Variants in DNAJC5B observed in about 807,000 individuals in gnomAD.
DNAJC5B encodes the protein DnaJ heat shock protein family (Hsp40) member C5 beta.
A neutral mutation model predicts 24.7 loss-of-function variants in DNAJC5B; 23 were observed. The observed-to-expected ratio is 0.93, with a 90% CI of 0.67 to 1.32. The LOEUF (loss-of-function observed/expected upper bound fraction) is 1.32, where lower values mean the gene tolerates loss of function less well. Among genes scored for constraint, DNAJC5B ranks in the 40% most tolerant of loss-of-function variants. The pLI is 0.00. For synonymous variants in DNAJC5B, 101 were observed against 90.1 expected (o/e 1.12, Z -0.68); for missense variants, 238 against 240.8 (o/e 0.99, Z 0.08).
chr8:66,017,755 T>C (rs1306163460), upstream of DNAJC5B, among the ~76,000 whole-genome samples: 1 of 152,212 alleles, frequency 6.6e-6, no homozygotes, highest in African/African-American at 2.4e-5. Flanking sequence ...CAGACATCAA[T>C]TGTGTTCATT....
At chr8:66,050,247 C>G (rs555648590) in intron 2 of DNAJC5B, among the ~76,000 whole-genome samples, 1 of 152,170 alleles carries the variant, frequency 6.6e-6, no homozygotes, top group African/African-American at 2.4e-5. Context: ...AGTATAATAG[C>G]ACTTAGGAGT....
At chr8:66,095,658 GACACACACACACACACACAC>G (rs10566337) in intron 5 of DNAJC5B, among the ~76,000 whole-genome samples, 1 of 146,638 alleles carries the variant, frequency 6.8e-6, no homozygotes, top group African/African-American at 2.5e-5. Flanking sequence ...ACTTTAGCTT[GACACACACACACACACACAC>G]ACACACACAC....
Position 66,033,222 on chromosome 8 carries a change from C to T in DNAJC5B, c.-141-10266C>T, listed in dbSNP as rs1477270921. On this transcript the variant is annotated intron_variant, in intron 1 of 5. Coordinates refer to ENST00000276570, the MANE Select transcript of DNAJC5B (RefSeq NM_033105.6). ...GCTGGCCTGGGGCCACACAGGAGGT[C>T]GGCACCTGTTTTGCATATTTGCCTC... Among the ~76,000 whole-genome samples the T allele has an allele frequency of 3.3e-5, 5 of 152,218 alleles. No individual in the cohort carries two copies. The East Asian group carries it at 7.7e-4, about 23-fold the overall frequency.
At chr8:66,081,422 C>G (rs1807594300) in intron 5 of DNAJC5B, among the ~76,000 whole-genome samples, 1 of 152,120 alleles carries the variant, frequency 6.6e-6, no homozygotes, top group Admixed American at 6.5e-5. Flanking sequence ...AAAACCTAGA[C>G]AGCCAAATAA....
At chr8:66,015,669 T>C in the DNAJC5B span, among the ~76,000 whole-genome samples, 2 of 152,116 alleles carry the variant, frequency 1.3e-5, no homozygotes, top group South Asian at 2.1e-4. Context: ...TCAGGTCACA[T>C]AGAGAGGTAT....
intron 1 of DNAJC5B, among the ~76,000 whole-genome samples, chr8:66,023,948 A>G (rs1006424945): frequency 1.3e-5 from 2 of 152,290 alleles, no homozygotes; most frequent in Non-Finnish European, 2.9e-5. Context: ...ATTTATTGCA[A>G]ATGTACTAAT....
chr8:66,066,533 G>T (rs1807199776), intron 3 of DNAJC5B, among the ~76,000 whole-genome samples: 1 of 152,144 alleles, frequency 6.6e-6, no homozygotes, highest in Non-Finnish European at 1.5e-5. Flanking sequence ...TATACATCAT[G>T]GAATACTACT....
rs1270636320 is a variant in DNAJC5B at position 66,080,560 on chromosome 8, T to A, written c.505+12T>A. 1.3e-6 allele frequency: 2 copies of A among 1,591,122 alleles called. No individual in the cohort carries two copies. The highest frequency in any genetic ancestry group is 1.7e-6 in the Non-Finnish European group (2 of 1,168,490). Reference sequence around the variant, plus strand: ...TGACATGGAAAAAGGTGGGGTAGGATGAGAGCAGAGGTAGTGAGTGTCCAT... The same window carrying A: ...TGACATGGAAAAAGGTGGGGTAGGAAGAGAGCAGAGGTAGTGAGTGTCCAT... On this transcript the variant is annotated intron_variant, in intron 5 of 5. Coordinates refer to ENST00000276570, the MANE Select transcript of DNAJC5B (RefSeq NM_033105.6).
chr8:66,044,675 T>G (rs1806687563), intron 2 of DNAJC5B, among the ~76,000 whole-genome samples: 2 of 152,164 alleles, frequency 1.3e-5, no homozygotes, highest in South Asian at 4.1e-4. Flanking sequence ...TAGAGGTCAA[T>G]GGTTTTTGTA....
intron 3 of DNAJC5B, among the ~76,000 whole-genome samples, chr8:66,062,130 C>T (rs1347919317): frequency 6.6e-6 from 1 of 152,274 alleles, no homozygotes; most frequent in Non-Finnish European, 1.5e-5. Context: ...ACTGTACTTT[C>T]AGCCCTAGCA....
chr8:66,065,186 T>A (rs1807164664), intron 3 of DNAJC5B, among the ~76,000 whole-genome samples: 1 of 152,270 alleles, frequency 6.6e-6, no homozygotes, highest in Admixed American at 6.5e-5. Flanking sequence ...CAGATCATCA[T>A]CTACGGTTCG....
intron 3 of DNAJC5B, among the ~76,000 whole-genome samples, chr8:66,069,866 C>T (rs1475831623): frequency 2.0e-5 from 3 of 152,218 alleles, no homozygotes; most frequent in Non-Finnish European, 4.4e-5. Flanking sequence ...CCATCACGAA[C>T]AAGTTGGCTT....
At chr8:66,037,636 A>G (rs911965244) in intron 1 of DNAJC5B, among the ~76,000 whole-genome samples, 42 of 152,196 alleles carry the variant, frequency 2.8e-4, no homozygotes, top group African/African-American at 9.9e-4. Flanking sequence ...TGTCAGCCAT[A>G]CGGTTTTGGG....
At chr8:66,085,521 G>A (rs189956887) in intron 5 of DNAJC5B, among the ~76,000 whole-genome samples, 30 of 151,678 alleles carry the variant, frequency 2.0e-4, no homozygotes, top group Admixed American at 1.6e-3. Flanking sequence ...TGCAGTGAGC[G>A]GAGATTGCAC....
At chr8:66,047,091 A>G (rs1032799988) in intron 2 of DNAJC5B, among the ~76,000 whole-genome samples, 1 of 152,240 alleles carries the variant, frequency 6.6e-6, no homozygotes, top group Non-Finnish European at 1.5e-5. Context: ...TGACCAGTGC[A>G]TTCTCTTCCT....
chr8:66,053,255 G>T (rs1806890697), intron 3 of DNAJC5B, among the ~76,000 whole-genome samples: 2 of 152,232 alleles, frequency 1.3e-5, no homozygotes, highest in Admixed American at 1.3e-4. Context: ...TAAGACTCAG[G>T]CTCTTTCTTA....
intron 1 of DNAJC5B, among the ~76,000 whole-genome samples, chr8:66,037,176 T>C (rs1806506021): frequency 6.6e-6 from 1 of 152,212 alleles, no homozygotes; most frequent in African/African-American, 2.4e-5. Context: ...AGTGGGGCTT[T>C]GGCAACAGGG....
chr8:66,068,697 A>T (rs747965105), intron 3 of DNAJC5B, among the ~76,000 whole-genome samples: 13 of 152,080 alleles, frequency 8.5e-5, no homozygotes, highest in Non-Finnish European at 1.3e-4. Flanking sequence ...CAACATGTCG[A>T]TTTTCCAGGT....
Position 66,076,717 on chromosome 8 carries a change from G to A in DNAJC5B, c.177G>A (p.Glu59=), listed in dbSNP as rs1325176398. 3.1e-6 allele frequency: 5 copies of A among 1,613,992 alleles called. No individual in the cohort carries two copies. Among genetic ancestry groups the A allele is most frequent in the South Asian group, 1.1e-5 (1 of 91,084 alleles). ...DKNPDDPAAT[E]KFKEINNAHA... ...ATCCAGATGATCCAGCTGCTACTGA[G>A]AAGTTTAAAGAAATCAACAACGCCC... The change falls in exon 4 of 6, where the codon GAG becomes GAA. Residue 59 remains glutamate, a synonymous_variant. Coordinates refer to ENST00000276570, the MANE Select transcript of DNAJC5B (RefSeq NM_033105.6).
Sources: allele counts gnomAD v4.1 joint callset (sites outside exome capture counted in the v4.1 genomes callset), GRCh38; gene constraint gnomAD v4.1.1; transcripts MANE v1.5; gene names NCBI Gene and HGNC (gene_info 2026-07-23, HGNC 2026-07-21).